Variants in NDC1 observed in about 807,000 individuals in gnomAD.
NDC1 encodes nucleoporin NDC1.
A neutral mutation model predicts 89.8 loss-of-function variants in NDC1; 24 were observed. The ratio of observed to expected loss-of-function variants is 0.27; its 90% CI spans 0.19 to 0.38. The LOEUF is 0.38. Ranked by LOEUF, NDC1 falls within the 10% of genes least tolerant of loss-of-function variation. NDC1 has a pLI of 1.00. For synonymous variants in NDC1, 296 were observed against 284.8 expected (o/e 1.04, Z -0.39); for missense variants, 728 against 797.6 (o/e 0.91, Z 1.05).
In NDC1 at chr1:53,825,895, T is replaced by A. The variant is rs1297874207; in HGVS notation, c.497A>T (p.His166Leu). The A allele has an allele frequency of 1.2e-6, 2 of 1,611,090 alleles. No homozygotes were observed. Among genetic ancestry groups the A allele is most frequent in the South Asian group, 2.2e-5 (2 of 89,954 alleles). The change falls in exon 5 of 18, where the codon CAT becomes CTT. Residue 166 changes from histidine (H) to leucine (L), a missense_variant. Physicochemically the swap from His to Leu is moderately conservative, Grantham distance 99. Coordinates refer to ENST00000371429, the MANE Select transcript of NDC1 (RefSeq NM_018087.5). Reference sequence around the variant, plus strand: ...TGCTCCAGTCAGTAGGAAAAAAAGATGATATTCATTTAAGCAGGTTTGCGC... The same window carrying A: ...TGCTCCAGTCAGTAGGAAAAAAAGAAGATATTCATTTAAGCAGGTTTGCGC... ...PAAQTCLNEY[H>L]LFFLLTGAFM... is the part of the protein sequence containing the mutation.
chr1:53,833,877 G>C (rs1649147163), intron 2 of NDC1, among the ~76,000 whole-genome samples: 1 of 151,072 alleles, frequency 6.6e-6, no homozygotes, highest in Non-Finnish European at 1.5e-5. Context: ...CCAGGCTGGA[G>C]TGAAGTGGCG....
intron 16 of NDC1, among the ~76,000 whole-genome samples, chr1:53,779,923 A>AAGAAAG (rs1372735909): frequency 5.3e-5 from 8 of 151,974 alleles, no homozygotes; most frequent in Non-Finnish European, 1.0e-4. Context: ...GCCCTCAAGA[A>AAGAAAG]TATTCCTTTC....
chr1:53,832,920 G>GAA (rs1649111840), intron 2 of NDC1, among the ~76,000 whole-genome samples: 1 of 152,108 alleles, frequency 6.6e-6, no homozygotes, highest in Non-Finnish European at 1.5e-5. Flanking sequence ...GCTGAAGTGG[G>GAA]AAGATCACTT....
chr1:53,809,746 C>G lies in NDC1; in HGVS notation c.704G>C (p.Gly235Ala), dbSNP rs1423163444. 4 of 1,611,074 alleles carry G rather than the reference C, an allele frequency of 2.5e-6. No homozygotes were observed. The highest frequency in any genetic ancestry group is 1.7e-6 in the Non-Finnish European group (2 of 1,177,972). The change falls in exon 7 of 18, where the codon GGC (glycine) becomes GCC (alanine). Residue 235 changes from glycine (G) to alanine (A), a missense_variant and splice_region_variant. Transcript: ENST00000371429. ...GCTAATCCAAGCTTTGGGAATATAGCCTGAAGGGAAAAAATACCAAGCTAT... is the reference window on the plus strand; with the variant it reads ...GCTAATCCAAGCTTTGGGAATATAGGCTGAAGGGAAAAAATACCAAGCTAT... ...RNFCILYYFL[G>A]YIPKAWISTA...
chr1:53,811,904 G>A (rs530557130), intron 6 of NDC1, among the ~76,000 whole-genome samples: 3 of 152,192 alleles, frequency 2.0e-5, no homozygotes, highest in South Asian at 2.1e-4. Context: ...CCATGCCTGA[G>A]AGACCCAGAA....
At chr1:53,774,080 G>A (rs999523410) in intron 16 of NDC1, among the ~76,000 whole-genome samples, 1 of 152,154 alleles carries the variant, frequency 6.6e-6, no homozygotes, top group Non-Finnish European at 1.5e-5. Flanking sequence ...AGCTTTGAAA[G>A]TTTTGTTGCT....
At chr1:53,792,109 A>AT (rs201879329) in intron 14 of NDC1, among the ~76,000 whole-genome samples, 14 of 152,004 alleles carry the variant, frequency 9.2e-5, no homozygotes, top group South Asian at 2.1e-4. Context: ...CGCCTGGCTA[A>AT]TTTTTTGTAT....
At position 53,835,573 on chromosome 1, in the gene NDC1, A is replaced by G. The variant is rs751456667; in HGVS notation, c.105T>C (p.Phe35=). The stretch of plus-strand genomic sequence containing the variant: ...TAAATACTGTGGTGCAGATGGGTAG[A>G]AATAGCACTGACCAAACAATACTTG... ...IVASIVWSVL[F]LPICTTVFII... The change falls in exon 2 of 18, where the codon TTT becomes TTC. Residue 35 remains phenylalanine (F), a synonymous_variant. Coordinates refer to ENST00000371429, the MANE Select transcript of NDC1 (RefSeq NM_018087.5). The G allele has an allele frequency of 1.3e-5, 21 of 1,613,402 alleles. 1 individual carries two copies. In the South Asian group the frequency reaches 2.2e-4, roughly 17 times the overall value.
chr1:53,786,284 GTAAC>G (rs1229622738), intron 16 of NDC1, among the ~76,000 whole-genome samples: 1 of 151,806 alleles, frequency 6.6e-6, no homozygotes, highest in Non-Finnish European at 1.5e-5. Flanking sequence ...CATGTGACAC[GTAAC>G]TAATATTATA....
chr1:53,829,249 C>T (rs1388055606), intron 3 of NDC1, among the ~76,000 whole-genome samples: 3 of 152,136 alleles, frequency 2.0e-5, no homozygotes, highest in African/African-American at 7.2e-5. Context: ...GTTTCAGGTG[C>T]TTTATACTTT....
chr1:53,818,085 C>A (rs185788942), intron 6 of NDC1, among the ~76,000 whole-genome samples: 90 of 152,038 alleles, frequency 5.9e-4, no homozygotes, highest in African/African-American at 2.0e-3. Context: ...AGTATTTTTT[C>A]TTTCTTAAAA....
intron 16 of NDC1, among the ~76,000 whole-genome samples, chr1:53,785,933 A>G (rs903418295): frequency 6.7e-6 from 1 of 148,960 alleles, no homozygotes; most frequent in African/African-American, 2.5e-5. Context: ...TTATTTATTT[A>G]TTTACTTTTG....
intron 6 of NDC1, among the ~76,000 whole-genome samples, chr1:53,812,762 A>C (rs1648353065): frequency 6.6e-6 from 1 of 152,248 alleles, no homozygotes; most frequent in Non-Finnish European, 1.5e-5. Flanking sequence ...AGAACACCTG[A>C]AAAATTCATC....
intron 5 of NDC1, among the ~76,000 whole-genome samples, chr1:53,824,125 T>C (rs1316192361): frequency 6.7e-6 from 1 of 149,918 alleles, no homozygotes; most frequent in African/African-American, 2.5e-5. Flanking sequence ...CCCCAGCTAC[T>C]CAGGAGGACT....
At chr1:53,801,888 C>G (rs945966812) in intron 10 of NDC1, among the ~76,000 whole-genome samples, 1 of 152,158 alleles carries the variant, frequency 6.6e-6, no homozygotes, top group Non-Finnish European at 1.5e-5. Context: ...TCCCGAGTAG[C>G]TGGGATTATA....
At chr1:53,798,459 G>A (rs1411835727) in intron 11 of NDC1, among the ~76,000 whole-genome samples, 4 of 150,172 alleles carry the variant, frequency 2.7e-5, no homozygotes, top group South Asian at 2.1e-4. Context: ...GAGCCACCTC[G>A]CCCAGCTGGA....
chr1:53,821,513 T>C (rs1175790071), intron 5 of NDC1, among the ~76,000 whole-genome samples: 3 of 152,216 alleles, frequency 2.0e-5, no homozygotes, highest in Admixed American at 2.0e-4. Flanking sequence ...TCAATTATAT[T>C]GGTCTGTTCA....
At chr1:53,812,208 C>A (rs1452985079) in intron 6 of NDC1, among the ~76,000 whole-genome samples, 1 of 152,032 alleles carries the variant, frequency 6.6e-6, no homozygotes, top group East Asian at 1.9e-4. Context: ...CTCTTCAACA[C>A]CCCCAAAAAA....
intron 11 of NDC1, among the ~76,000 whole-genome samples, chr1:53,800,228 C>T (rs1038109006): frequency 8.6e-5 from 13 of 151,740 alleles, no homozygotes; most frequent in African/African-American, 2.9e-4. Context: ...ATGATACCCA[C>T]GTCATTTTCT....
Sources: gnomAD v4.1 joint callset for allele counts (sites outside exome capture counted in the v4.1 genomes callset) on GRCh38, gnomAD v4.1.1 for gene constraint, MANE v1.5 for transcripts, NCBI Gene and HGNC (gene_info 2026-07-23, HGNC 2026-07-21) for gene names.